Variants in LMNB1 observed in about 807,000 individuals in gnomAD.
The protein encoded by LMNB1 is lamin B1, also known as lamin-B1.
LMNB1 carries 23 observed loss-of-function variants against 67.1 expected under a neutral mutation model. That is an observed-to-expected ratio of 0.34 (90% CI 0.25 to 0.49). The LOEUF is 0.49. Ranked by LOEUF, LMNB1 falls within the 20% of genes least tolerant of loss-of-function variation. The probability of loss-of-function intolerance (pLI) is 0.99; values close to 1 mark genes in which losing one functional copy is unlikely to be tolerated. For missense variants in LMNB1, 634 were observed against 746.5 expected (o/e 0.85, Z 1.76); for synonymous variants, 281 against 282.9 (o/e 0.99, Z 0.07).
At position 126,777,870 on chromosome 5, in the gene LMNB1, G is replaced by C. The variant is rs1187296225; in HGVS notation, c.359+3G>C. ...GAACACGACCAGCTGCTCCTCAAGT[G>C]AGTGCTAGCTGGCGGCCGCGTTAGC... On this transcript the variant is annotated splice_donor_region_variant and intron_variant, in intron 1 of 10. Coordinates refer to ENST00000261366, the MANE Select transcript of LMNB1 (RefSeq NM_005573.4). 1 of 1,409,760 alleles carries C rather than the reference G, an allele frequency of 7.1e-7. No individual in the cohort carries two copies. Among genetic ancestry groups the C allele is most frequent in the Admixed American group, 2.9e-5 (1 of 34,162 alleles). The allele number at this position is 1,409,760 out of a possible 1,614,324, so 87.3% of individuals were successfully genotyped here.
intron 1 of LMNB1, among the ~76,000 whole-genome samples, chr5:126,799,155 A>G (rs1751198315): frequency 6.6e-6 from 1 of 151,528 alleles, no homozygotes; most frequent in Non-Finnish European, 1.5e-5. Flanking sequence ...AGTAGCTGGG[A>G]CTACAGGCGC....
chr5:126,791,539 C>T (rs1276994279), intron 1 of LMNB1, among the ~76,000 whole-genome samples: 1 of 151,632 alleles, frequency 6.6e-6, no homozygotes, highest in Non-Finnish European at 1.5e-5. Context: ...CTCACTACAG[C>T]CTCAACCTCC....
At chr5:126,798,946 A>G (rs1751188512) in intron 1 of LMNB1, among the ~76,000 whole-genome samples, 1 of 152,166 alleles carries the variant, frequency 6.6e-6, no homozygotes, top group South Asian at 2.1e-4. Flanking sequence ...AATGCACTGT[A>G]AGTGCTGTAT....
chr5:126,812,221 C>T (rs559937204), intron 5 of LMNB1, among the ~76,000 whole-genome samples: 1 of 152,318 alleles, frequency 6.6e-6, no homozygotes, highest in East Asian at 1.9e-4. Context: ...TTCATCTCTA[C>T]AGAGTTATTC....
intron 10 of LMNB1, among the ~76,000 whole-genome samples, chr5:126,833,445 G>A (rs536989226): frequency 6.6e-6 from 1 of 152,026 alleles, no homozygotes; most frequent in Non-Finnish European, 1.5e-5. Context: ...TGTTTCCATG[G>A]CTCCAGATTT....
chr5:126,801,159 A>G (rs113217619), intron 1 of LMNB1, among the ~76,000 whole-genome samples: 1 of 148,436 alleles, frequency 6.7e-6, no homozygotes, highest in East Asian at 2.0e-4. Context: ...AATTTTTTTT[A>G]TTTTTAGTAG....
chr5:126,781,105 A>G (rs550730578), intron 1 of LMNB1, among the ~76,000 whole-genome samples: 2 of 152,234 alleles, frequency 1.3e-5, no homozygotes, highest in African/African-American at 2.4e-5. Flanking sequence ...CCTGTCCAAC[A>G]TGGCGAGACC....
intron 5 of LMNB1, among the ~76,000 whole-genome samples, chr5:126,813,097 TA>T (rs1409206521): frequency 6.6e-6 from 1 of 152,226 alleles, no homozygotes; most frequent in Non-Finnish European, 1.5e-5. Flanking sequence ...AATATTTTTC[TA>T]ATTATAAAAC....
intron 5 of LMNB1, among the ~76,000 whole-genome samples, chr5:126,816,562 G>T (rs1751710891): frequency 6.6e-6 from 1 of 152,140 alleles, no homozygotes; most frequent in Admixed American, 6.5e-5. Flanking sequence ...ACTGACATTG[G>T]TATATTACTG....
rs1750489416 is a variant in LMNB1, at chr5:126,777,477, G to T, written c.-32G>T. Reference sequence around the variant, plus strand: ...CCTCCTTATCACGGTCCCGCTCGCGGCCTCGCCGCCCCGCTGTCTCCGCCG... The same window carrying T: ...CCTCCTTATCACGGTCCCGCTCGCGTCCTCGCCGCCCCGCTGTCTCCGCCG... On this transcript the variant is annotated 5_prime_UTR_variant, in exon 1 of 11. Coordinates refer to ENST00000261366, the MANE Select transcript of LMNB1 (RefSeq NM_005573.4). The T allele has an allele frequency of 2.3e-6, 3 of 1,301,024 alleles. No homozygotes were observed. The highest frequency in any genetic ancestry group is 1.9e-6 in the Non-Finnish European group (2 of 1,028,538). The allele number at this position is 1,301,024 out of a possible 1,614,324, so 80.6% of individuals were successfully genotyped here. A position where few individuals can be genotyped will look rare whatever the true frequency, so the allele number is the denominator to read the frequency against.
At chr5:126,777,965 G>A in intron 1 of LMNB1, 98 bp downstream of exon 1, 1 of 1,141,882 alleles carries the variant, frequency 8.8e-7, no homozygotes, top group Non-Finnish European at 1.2e-6. Flanking sequence ...GGGAGCAGAG[G>A]CCAGGATGCA....
intron 10 of LMNB1, among the ~76,000 whole-genome samples, chr5:126,834,379 A>G (rs1752201787): frequency 6.6e-6 from 1 of 152,006 alleles, no homozygotes; most frequent in African/African-American, 2.4e-5. Flanking sequence ...CTAATTTTTT[A>G]TATTGTAGTA....
At chr5:126,830,372 A>G (rs148054239) in intron 9 of LMNB1, among the ~76,000 whole-genome samples, 26 of 152,364 alleles carry the variant, frequency 1.7e-4, no homozygotes, top group Non-Finnish European at 3.5e-4. Flanking sequence ...CACTTGGGGT[A>G]AACACATTTA....
chr5:126,799,303 C>T (rs181948527), intron 1 of LMNB1, among the ~76,000 whole-genome samples: 18 of 152,306 alleles, frequency 1.2e-4, no homozygotes, highest in African/African-American at 2.9e-4. Context: ...TGAGCCACCG[C>T]GCCCGGCCGC....
At chr5:126,790,592 T>C (rs1750928678) in intron 1 of LMNB1, among the ~76,000 whole-genome samples, 1 of 152,116 alleles carries the variant, frequency 6.6e-6, no homozygotes, top group Non-Finnish European at 1.5e-5. Flanking sequence ...TGTATAATTA[T>C]ATAGAGTCTA....
At chr5:126,817,037 T>C (rs1232008471) in intron 5 of LMNB1, among the ~76,000 whole-genome samples, 1 of 151,126 alleles carries the variant, frequency 6.6e-6, no homozygotes, top group Non-Finnish European at 1.5e-5. Context: ...ATTTATTAAA[T>C]GGCATTCTTC....
intron 1 of LMNB1, among the ~76,000 whole-genome samples, chr5:126,787,777 C>G (rs1282617966): frequency 6.6e-6 from 1 of 151,622 alleles, no homozygotes; most frequent in African/African-American, 2.4e-5. Flanking sequence ...TCATGAACTC[C>G]TGACCTCAGG....
intron 6 of LMNB1, among the ~76,000 whole-genome samples, chr5:126,820,479 T>G (rs946671878): frequency 1.3e-5 from 2 of 152,212 alleles, no homozygotes; most frequent in African/African-American, 4.8e-5. Context: ...GCTAACAGAT[T>G]GTAAGTAATA....
chr5:126,806,860 C>T (rs1158175420), intron 3 of LMNB1, among the ~76,000 whole-genome samples: 1 of 152,130 alleles, frequency 6.6e-6, no homozygotes, highest in Non-Finnish European at 1.5e-5. Context: ...TCACTGCAAC[C>T]TCTGCCTCCT....
Sources: allele counts gnomAD v4.1 joint callset (sites outside exome capture counted in the v4.1 genomes callset), GRCh38; gene constraint gnomAD v4.1.1; transcripts MANE v1.5; gene names NCBI Gene and HGNC (gene_info 2026-07-23, HGNC 2026-07-21).